The following ITIH6 variants were observed in gnomAD, a reference collection of about 807,000 sequenced individuals.
ITIH6 encodes the protein inter-alpha-trypsin inhibitor heavy chain H6.
In ITIH6, 60 loss-of-function variants were observed where a neutral mutation model predicts 58.2. That is an observed-to-expected ratio of 1.03 (90% CI 0.84 to 1.28). The LOEUF (loss-of-function observed/expected upper bound fraction) is 1.28, where lower values mean the gene tolerates loss of function less well. Among genes scored for constraint, ITIH6 ranks in the 50% most tolerant of loss-of-function variants. The pLI is 0.00. For missense variants in ITIH6, 1,290 were observed against 1,021.1 expected (o/e 1.26, Z -3.59); for synonymous variants, 493 against 417.4 (o/e 1.18, Z -2.21).
Position 54,757,453 on chromosome X carries a change from G to A in ITIH6, c.2621C>T (p.Pro874Leu). 2 of 1,210,966 alleles carry A rather than the reference G, an allele frequency of 1.7e-6. No homozygotes were observed. The highest frequency in any genetic ancestry group is 2.2e-6 in the Non-Finnish European group (2 of 895,015). ...AGGCATATGGGGGTTTGGGGTCTCA[G>A]GCTTGGAAAGTGATATGCTTGTGGA... is the stretch of plus-strand genomic sequence containing the variant. ...QISTSISLSKPETPNPHMPQT... is the reference protein window; with the variant it reads ...QISTSISLSKLETPNPHMPQT... Residue 874 changes from proline to leucine, a missense_variant, in exon 8 of 13, where the codon CCT becomes CTT. Transcript: ENST00000218436.
chrX:54,773,216 A>G (rs535840902), intron 6 of ITIH6, among the ~76,000 whole-genome samples: 1 of 111,670 alleles, frequency 9.0e-6, no homozygotes, highest in South Asian at 3.7e-4. Flanking sequence ...GGAGGTCTCA[A>G]TCTTTTAGTG....
At chrX:54,790,358 G>A (rs1341871252) in intron 4 of ITIH6, among the ~76,000 whole-genome samples, 2 of 112,129 alleles carry the variant, frequency 1.8e-5, no homozygotes, top group Non-Finnish European at 3.8e-5. Flanking sequence ...ACCTCTAGGT[G>A]ACATTTGAAG....
At chrX:54,786,526 G>A (rs988281966) in intron 5 of ITIH6, among the ~76,000 whole-genome samples, 3 of 111,457 alleles carry the variant, frequency 2.7e-5, no homozygotes, top group African/African-American at 9.8e-5. Context: ...GCTCCAGAAC[G>A]CCAAGCTATT....
chrX:54,765,865 G>C (rs972043710), intron 6 of ITIH6, among the ~76,000 whole-genome samples: 3 of 109,631 alleles, frequency 2.7e-5, no homozygotes, highest in Non-Finnish European at 5.7e-5. Flanking sequence ...GGATTGACTT[G>C]GCAATGCGGG....
Position 54,756,949 on chromosome X carries a change from T to C in ITIH6, c.3109+16A>G. 1 of 1,099,155 alleles carries C rather than the reference T, an allele frequency of 9.1e-7. No homozygotes were observed. The highest frequency in any genetic ancestry group is 1.2e-6 in the Non-Finnish European group (1 of 815,225). 90.6% of individuals were successfully genotyped at this position (1,099,155 alleles called of 1,213,427 possible). On this transcript the variant is annotated intron_variant, in intron 8 of 12. Transcript: ENST00000218436. ...ACCTCACCCTCATGGCTCGACCTCT[T>C]ACCCATGGCACTCACCATCTTCATC... is the stretch of plus-strand genomic sequence containing the variant.
chrX:54,760,473 G>T (rs1429502883), intron 6 of ITIH6, among the ~76,000 whole-genome samples: 1 of 111,141 alleles, frequency 9.0e-6, no homozygotes, highest in African/African-American at 3.3e-5. Flanking sequence ...AAGCTCTAGG[G>T]TACATGTACA....
chrX:54,750,082 C>T lies in ITIH6; in HGVS notation c.3755G>A (p.Arg1252Gln). ...LIGQFQHADI[R>Q]LVTGPMGPCL... ...TGGCCCCATAGGTCCTGTCACCAGT[C>T]GGATGTCTGCGTGCTGGAACTGCCC... The change falls in exon 13 of 13, where the codon CGA (arginine) becomes CAA (glutamine). Residue 1252 changes from arginine to glutamine, a missense_variant. Physicochemically the swap from Arg to Gln is conservative, Grantham distance 43 (BLOSUM62 1). Coordinates refer to ENST00000218436, the MANE Select transcript of ITIH6 (RefSeq NM_198510.3). The T allele has an allele frequency of 2.5e-6, 3 of 1,207,775 alleles. No individual in the cohort carries two copies. Among genetic ancestry groups the T allele is most frequent in the Non-Finnish European group, 3.4e-6 (3 of 893,292 alleles).
rs1474395896 is a variant in ITIH6 at position 54,749,985 on chromosome X, C to T, written c.3852G>A (p.Arg1284=). Residue 1284 remains arginine, a synonymous_variant, in exon 13 of 13, where the codon AGG becomes AGA. Transcript: ENST00000218436. The part of the protein sequence containing the change: ...LGKRLLKDSP[R]LLPRWASCWL... ...AGCAGGAAGCCCAGCGGGGCAGCAG[C>T]CTTGGTGAGTCCTTCAGCAGCCTCT... 1 of 1,211,634 alleles carries T rather than the reference C, an allele frequency of 8.3e-7. No individual in the cohort carries two copies. Among genetic ancestry groups the T allele is most frequent in the African/African-American group, 1.7e-5 (1 of 57,831 alleles).
intron 6 of ITIH6, among the ~76,000 whole-genome samples, chrX:54,767,012 C>T (rs907178253): frequency 2.7e-5 from 3 of 110,350 alleles, no homozygotes; most frequent in African/African-American, 1.0e-4. Context: ...ATGAATCCAT[C>T]TGGTCCTGGA....
intron 11 of ITIH6, among the ~76,000 whole-genome samples, chrX:54,752,910 G>C (rs1345487435): frequency 4.4e-5 from 5 of 112,520 alleles, no homozygotes; most frequent in African/African-American, 1.6e-4. Flanking sequence ...ATGGCAACTG[G>C]TTTTGGGAGA....
chrX:54,759,589 G>C (rs994203603), intron 7 of ITIH6, among the ~76,000 whole-genome samples, 167 bp downstream of exon 7: 8 of 112,297 alleles, frequency 7.1e-5, no homozygotes, highest in African/African-American at 2.6e-4. Flanking sequence ...TACAAGGAAA[G>C]GGTGATGGGA....
chrX:54,768,901 A>T (rs1206789112), intron 6 of ITIH6, among the ~76,000 whole-genome samples: 1 of 108,265 alleles, frequency 9.2e-6, no homozygotes, highest in African/African-American at 3.5e-5. Flanking sequence ...TGTTCTCTGT[A>T]TTTCCTGAAT....
At chrX:54,788,747 G>A (rs1929291349) in intron 4 of ITIH6, 98 bp from the exon 5 acceptor site, 1 of 680,604 alleles carries the variant, frequency 1.5e-6, no homozygotes, top group African/African-American at 2.1e-5. Context: ...TCTGGGGAGG[G>A]TGAGAAGTCT....
intron 4 of ITIH6, among the ~76,000 whole-genome samples, chrX:54,789,421 C>A (rs1184443473): frequency 2.7e-5 from 3 of 112,148 alleles, no homozygotes; most frequent in Admixed American, 1.9e-4. Context: ...GAGCCCCATA[C>A]TCTCTGAGGC....
intron 4 of ITIH6, among the ~76,000 whole-genome samples, 186 bp downstream of exon 4, chrX:54,790,651 G>C (rs1053988611): frequency 9.0e-6 from 1 of 111,611 alleles, no homozygotes; most frequent in African/African-American, 3.3e-5. Flanking sequence ...AGCCTGTAAG[G>C]ACCAGGCCAA....
chrX:54,786,450 T>C (rs748270712), intron 5 of ITIH6, among the ~76,000 whole-genome samples: 2 of 112,059 alleles, frequency 1.8e-5, no homozygotes, highest in Admixed American at 1.9e-4. Context: ...CCCATGTTCC[T>C]TTCGTTGCCC....
rs1183873201 is a variant in ITIH6, at chrX:54,751,229, G to A, written c.3504C>T (p.Gly1168=). Residue 1168 remains glycine (G), a synonymous_variant, in exon 12 of 13, where the codon GGC becomes GGT. Transcript: ENST00000218436. ...TISRSSISLR[G]EGTLRLSWDQ... is the part of the protein sequence containing the mutation. ...CCCAGGACAGGCGCAAGGTACCCTC[G>A]CCTCGCAAAGATATAGAACTGCGGC... The A allele has an allele frequency of 3.1e-5, 38 of 1,210,094 alleles. No individual in the cohort carries two copies. The highest frequency in any genetic ancestry group is 4.1e-5 in the Non-Finnish European group (37 of 895,142).
At chrX:54,769,434 C>G (rs1372414005) in intron 6 of ITIH6, among the ~76,000 whole-genome samples, 3 of 104,494 alleles carry the variant, frequency 2.9e-5, no homozygotes, top group African/African-American at 1.1e-4. Context: ...AACTGCGTTC[C>G]TTTGGAGGAG....
rs1359200139 is a variant in ITIH6, at chrX:54,788,486, G to A, written c.780C>T (p.Asp260=). 1.2e-5 allele frequency: 15 copies of A among 1,209,542 alleles called. No individual in the cohort carries two copies. The highest frequency in any genetic ancestry group is 2.3e-4 in the Middle Eastern group (1 of 4,334). Residue 260 remains aspartate (D), a synonymous_variant, in exon 5 of 13, where the codon GAC becomes GAT. Transcript: ENST00000218436. ...CTTCCCCAGGCCCCCTCACCTGCAC[G>A]TCTCCAATGATGTCCTCCATGACCA... ...YDVVMEDIIG[D]VQIYDDYFIH...
Sources: allele counts gnomAD v4.1 joint callset (sites outside exome capture counted in the v4.1 genomes callset), GRCh38; gene constraint gnomAD v4.1.1; transcripts MANE v1.5; gene names NCBI Gene and HGNC (gene_info 2026-07-23, HGNC 2026-07-21).